The following GPC3 variants were observed in gnomAD, a reference collection of about 807,000 sequenced individuals.
The protein encoded by GPC3 is glypican 3.
GPC3 carries 3 observed loss-of-function variants against 34.4 expected under a neutral mutation model. The ratio of observed to expected loss-of-function variants is 0.09; its 90% CI spans 0.04 to 0.23. GPC3 has a LOEUF of 0.23. Ranked by LOEUF, GPC3 falls within the 10% of genes least tolerant of loss-of-function variation. The pLI is 1.00. For missense variants in GPC3, 351 were observed against 445.6 expected (o/e 0.79, Z 1.91); for synonymous variants, 177 against 174.0 (o/e 1.02, Z -0.13).
intron 5 of GPC3, among the ~76,000 whole-genome samples, chrX:133,685,289 G>T (rs190876842): frequency 9.0e-6 from 1 of 111,588 alleles, no homozygotes; most frequent in East Asian, 2.8e-4. Context: ...TGAATTGGGT[G>T]TTCATGGTTC....
chrX:133,862,068 A>T (rs934267163), intron 2 of GPC3, among the ~76,000 whole-genome samples: 2 of 97,175 alleles, frequency 2.1e-5, no homozygotes, highest in Non-Finnish European at 4.1e-5. Context: ...GTATTTTAGA[A>T]AAAGGGGATT....
At chrX:133,806,293 A>C (rs2075634737) in intron 2 of GPC3, among the ~76,000 whole-genome samples, 1 of 112,419 alleles carries the variant, frequency 8.9e-6, no homozygotes, top group Non-Finnish European at 1.9e-5. Flanking sequence ...TGTCAGATGT[A>C]ACTGGAAGTG....
rs201343620 is a variant in GPC3 at position 133,960,697 on chromosome X, A to ATT, written c.176-7488_176-7487dup. 7.8e-3 allele frequency among the ~76,000 whole-genome samples: 826 copies of ATT among 105,859 alleles called. 11 individuals are homozygous for ATT. The highest frequency in any genetic ancestry group is 0.027 in the African/African-American group (786 of 29,294). 91.9% of individuals were successfully genotyped at this position (105,859 alleles called of 115,157 possible). A position where few individuals can be genotyped will look rare whatever the true frequency, so the allele number is the denominator to read the frequency against. On this transcript the variant is annotated intron_variant, in intron 1 of 7. Coordinates refer to ENST00000370818, the MANE Select transcript of GPC3 (RefSeq NM_004484.4). ...AGGTCTGCTTTATGAATGGCAGATTATTTTTTTTTTTGCTAACAAAAGTAC... is the reference window on the plus strand; with the variant it reads ...AGGTCTGCTTTATGAATGGCAGATTATTTTTTTTTTTTTGCTAACAAAAGTAC...
chrX:133,892,972 C>T (rs192768499), intron 2 of GPC3, among the ~76,000 whole-genome samples: 7 of 111,795 alleles, frequency 6.3e-5, no homozygotes, highest in Non-Finnish European at 1.1e-4. Context: ...AGCTCTCAGT[C>T]GGGCTGGGCA....
intron 7 of GPC3, among the ~76,000 whole-genome samples, chrX:133,571,001 T>C (rs893105516): frequency 1.8e-5 from 2 of 112,003 alleles, no homozygotes; most frequent in Non-Finnish European, 3.8e-5. Context: ...AACTTATACA[T>C]ATGTGTATGG....
At chrX:133,748,192 C>T (rs184899940) in intron 3 of GPC3, among the ~76,000 whole-genome samples, 18 of 112,128 alleles carry the variant, frequency 1.6e-4, no homozygotes, top group African/African-American at 5.5e-4. Flanking sequence ...ATATAGTCCA[C>T]ACATAGGTAT....
chrX:133,581,297 G>A (rs1039704339), intron 7 of GPC3, among the ~76,000 whole-genome samples: 10 of 112,577 alleles, frequency 8.9e-5, no homozygotes, highest in Admixed American at 7.5e-4. Context: ...CTAGAAGTCA[G>A]TATCACTGAA....
chrX:133,914,827 T>A (rs1333640401), intron 2 of GPC3, among the ~76,000 whole-genome samples: 1 of 103,811 alleles, frequency 9.6e-6, no homozygotes, highest in Non-Finnish European at 2.0e-5. Flanking sequence ...TATAATTTTT[T>A]GAAAAATTCA....
chrX:133,842,243 G>A (rs188367334), intron 2 of GPC3, among the ~76,000 whole-genome samples: 44 of 109,041 alleles, frequency 4.0e-4, no homozygotes, highest in African/African-American at 1.3e-3. Flanking sequence ...GCTTGAACCC[G>A]GGAAGCAGAG....
chrX:133,878,427 CA>C (rs938964204), intron 2 of GPC3, among the ~76,000 whole-genome samples: 45 of 98,454 alleles, frequency 4.6e-4, no homozygotes, highest in Middle Eastern at 5.1e-3. Context: ...GACTCTGTCT[CA>C]AAAAAAAAAA....
chrX:133,604,632 A>T (rs747960523), intron 6 of GPC3, among the ~76,000 whole-genome samples: 2 of 111,888 alleles, frequency 1.8e-5, no homozygotes, highest in African/African-American at 3.3e-5. Flanking sequence ...TTTAAAAAAA[A>T]TAAAGGGATA....
chrX:133,878,529 T>C (rs1194416683), intron 2 of GPC3, among the ~76,000 whole-genome samples: 1 of 112,531 alleles, frequency 8.9e-6, no homozygotes, highest in Non-Finnish European at 1.9e-5. Context: ...CCAAAAAATG[T>C]GTTTCTGAAA....
chrX:133,639,686 G>GAA (rs1236283188), intron 6 of GPC3, among the ~76,000 whole-genome samples: 1 of 104,999 alleles, frequency 9.5e-6, no homozygotes, highest in African/African-American at 3.4e-5. Flanking sequence ...CAGTTAATAG[G>GAA]AAAAAAAAAA....
intron 7 of GPC3, among the ~76,000 whole-genome samples, chrX:133,536,979 G>A (rs990211500): frequency 8.9e-6 from 1 of 111,994 alleles, no homozygotes; most frequent in African/African-American, 3.2e-5. Flanking sequence ...CTGATACCAA[G>A]TGAATGGGTG....
At chrX:133,702,676 A>C (rs1952600558) in intron 3 of GPC3, among the ~76,000 whole-genome samples, 1 of 111,566 alleles carries the variant, frequency 9.0e-6, no homozygotes, top group South Asian at 3.8e-4. Context: ...TAATGTCGCC[A>C]CTCTGCAGTC....
chrX:133,797,394 T>C (rs2075587459), intron 2 of GPC3, among the ~76,000 whole-genome samples: 1 of 111,786 alleles, frequency 8.9e-6, no homozygotes, highest in Non-Finnish European at 1.9e-5. Context: ...GCTGCCATGC[T>C]TGCTTGAACC....
rs1025494395 is a variant in GPC3, at chrX:133,964,742, C to T, written c.176-11531G>A. On this transcript the variant is annotated intron_variant, in intron 1 of 7. Transcript: ENST00000370818. Reference sequence around the variant, plus strand: ...TTGTTTCAGGCCTCTTCTTCTGATCCAGTGACTTGGGTAAGACTCATTGTT... The same window carrying T: ...TTGTTTCAGGCCTCTTCTTCTGATCTAGTGACTTGGGTAAGACTCATTGTT... Among the ~76,000 whole-genome samples, 5 of 111,934 alleles carry T rather than the reference C, an allele frequency of 4.5e-5. No individual in the cohort carries two copies. The Admixed American group carries it at 4.7e-4, about 11-fold the overall frequency.
At chrX:133,638,205 G>A (rs1465162587) in intron 6 of GPC3, among the ~76,000 whole-genome samples, 1 of 111,611 alleles carries the variant, frequency 9.0e-6, no homozygotes, top group Non-Finnish European at 1.9e-5. Context: ...TCTGTACTAT[G>A]AGGTGTTACT....
chrX:133,811,517 G>A, intron 2 of GPC3, among the ~76,000 whole-genome samples: 1 of 111,242 alleles, frequency 9.0e-6, no homozygotes, highest in Admixed American at 9.6e-5. Flanking sequence ...TAATTGCACA[G>A]GAAACTCTCC....
Sources: gnomAD v4.1 joint callset for allele counts (sites outside exome capture counted in the v4.1 genomes callset) on GRCh38, gnomAD v4.1.1 for gene constraint, MANE v1.5 for transcripts, NCBI Gene and HGNC (gene_info 2026-07-23, HGNC 2026-07-21) for gene names.